The following DAPK1 variants were observed in gnomAD, a reference collection of about 807,000 sequenced individuals.
The protein encoded by DAPK1 is death associated protein kinase 1.
Under a neutral mutation model 144.9 loss-of-function variants are expected in DAPK1, and 56 were observed. The observed-to-expected ratio is 0.39, with a 90% confidence interval of 0.31 to 0.48. The LOEUF is 0.48. Among genes scored for constraint, DAPK1 ranks in the 20% least tolerant of loss-of-function variants. The probability of loss-of-function intolerance (pLI) is 0.95; values close to 1 mark genes in which losing one functional copy is unlikely to be tolerated. For missense variants in DAPK1, 1,454 were observed against 1,875.4 expected, an observed-to-expected ratio of 0.78 and a Z score of 4.15; for synonymous variants, 690 against 749.0, an observed-to-expected ratio of 0.92 and a Z score of 1.29.
rs1830254449 is a variant in DAPK1, at chr9:87,645,989, A to G, written c.1106A>G (p.Asn369Ser). The change falls in exon 12 of 26, where the codon AAC becomes AGC. Residue 369 changes from asparagine to serine, a missense_variant. Asn to Ser is a conservative substitution (Grantham distance 46). This residue lies in a region of DAPK1 where 429 missense variants were observed against 637.5 expected (regional missense o/e 0.67). Coordinates refer to ENST00000408954, the MANE Select transcript of DAPK1 (RefSeq NM_004938.4). ...CAGCACCTTCTGGGCTCATTATCCA[A>G]CTATGATGTTAACCAACCCAACAAG... ...GLQHLLGSLS[N>S]YDVNQPNKHG... The G allele has an allele frequency of 6.2e-7, 1 of 1,614,078 alleles. No individual in the cohort carries two copies. The highest frequency in any genetic ancestry group is 8.5e-7 in the Non-Finnish European group (1 of 1,179,986).
chr9:87,653,948 C>T (rs1830545118), intron 17 of DAPK1, among the ~76,000 whole-genome samples: 1 of 152,122 alleles, frequency 6.6e-6, no homozygotes, highest in African/African-American at 2.4e-5. Flanking sequence ...CCCGCTTCAG[C>T]CCCCCAATGT....
intron 2 of DAPK1, among the ~76,000 whole-genome samples, chr9:87,569,750 C>A (rs760155468): frequency 1.1e-4 from 16 of 152,146 alleles, no homozygotes; most frequent in Non-Finnish European, 1.8e-4. Context: ...GTCCATTAAT[C>A]TTGTGTTAAG....
chr9:87,566,912 C>A (rs36232910), intron 2 of DAPK1, among the ~76,000 whole-genome samples: 1,760 of 152,266 alleles, frequency 0.012, 33 homozygotes, highest in African/African-American at 0.04. Context: ...TCCCTCCTTG[C>A]AATCACTATG....
In DAPK1 at chr9:87,647,406, A is replaced by G. The variant is rs761015372; in HGVS notation, c.1329+3A>G. ...GCCCTTTGGATGTGAAAGACAAGGTAAGGCCACTTCTCTTAGGAGGAACAT... is the reference window on the plus strand; with the variant it reads ...GCCCTTTGGATGTGAAAGACAAGGTGAGGCCACTTCTCTTAGGAGGAACAT... On this transcript the variant is annotated splice_donor_region_variant and intron_variant, in intron 14 of 25. Coordinates refer to ENST00000408954, the MANE Select transcript of DAPK1 (RefSeq NM_004938.4). 9 of 1,612,958 alleles carry G rather than the reference A, an allele frequency of 5.6e-6. No individual in the cohort carries two copies. Among genetic ancestry groups the G allele is most frequent in the South Asian group, 1.1e-5 (1 of 91,074 alleles).
intron 2 of DAPK1, among the ~76,000 whole-genome samples, chr9:87,520,213 A>G (rs992105186): frequency 4.6e-5 from 7 of 152,178 alleles, no homozygotes; most frequent in Non-Finnish European, 2.9e-5. Context: ...CCTAGGGAGA[A>G]GAAGCAGAGG....
At chr9:87,520,895 C>T (rs1382213118) in intron 2 of DAPK1, among the ~76,000 whole-genome samples, 4 of 152,174 alleles carry the variant, frequency 2.6e-5, no homozygotes, top group South Asian at 4.1e-4. Context: ...AAACTATGTG[C>T]ACTCTTTATT....
chr9:87,697,424 C>T (rs565387574), intron 22 of DAPK1, among the ~76,000 whole-genome samples: 26 of 152,180 alleles, frequency 1.7e-4, no homozygotes, highest in Non-Finnish European at 3.2e-4. Context: ...CTCAAGTGTT[C>T]GTGGTATTCT....
Position 87,569,022 on chromosome 9 carries a change from T to C in DAPK1, c.63-35932T>C, listed in dbSNP as rs79908049. 2.3e-3 allele frequency among the ~76,000 whole-genome samples: 351 copies of C among 151,616 alleles called. 1 individual carries two copies. The highest frequency in any genetic ancestry group is 8.2e-3 in the African/African-American group (339 of 41,388). ...TGTGGGGCGAGGCAGATTCTCTTGA[T>C]AGAGGAAATTCTCCAGGTCACGTGT... On this transcript the variant is annotated intron_variant, in intron 2 of 25. Transcript: ENST00000408954.
At chr9:87,517,486 C>T (rs1054093891) in intron 2 of DAPK1, among the ~76,000 whole-genome samples, 3 of 152,052 alleles carry the variant, frequency 2.0e-5, no homozygotes, top group African/African-American at 4.8e-5. Context: ...ATTGTGAGCC[C>T]GTAAAGTGTA....
At chr9:87,549,437 T>G (rs976536711) in intron 2 of DAPK1, among the ~76,000 whole-genome samples, 1 of 152,134 alleles carries the variant, frequency 6.6e-6, no homozygotes, top group African/African-American at 2.4e-5. Context: ...ACAATTTGTA[T>G]GGGGGGGTTA....
At chr9:87,565,831 A>C (rs539647998) in intron 2 of DAPK1, among the ~76,000 whole-genome samples, 37 of 152,224 alleles carry the variant, frequency 2.4e-4, no homozygotes, top group Non-Finnish European at 2.8e-4. Context: ...TATGGCAGGC[A>C]CTGTGCTAAG....
At chr9:87,698,453 AGGCTTATCCTGTCGTT>A (rs958841242) in intron 22 of DAPK1, 187 bp from the exon 23 acceptor site, 198 of 508,420 alleles carry the variant, frequency 3.9e-4, no homozygotes, top group African/African-American at 2.9e-3. Context: ...CCTAGGAGAT[AGGCTTATCCTGTCGTT>A]GGCCATGCTG....
rs566951944 is a variant in DAPK1, at chr9:87,624,755, C to T, written c.285-13188C>T. On this transcript the variant is annotated intron_variant, in intron 3 of 25. Coordinates refer to ENST00000408954, the MANE Select transcript of DAPK1 (RefSeq NM_004938.4). ...TTTTTGCCATCAACTGTACCTGTAA[C>T]ATCAATGCCCACCACAGCGCCAGAG... Among the ~76,000 whole-genome samples the T allele has an allele frequency of 9.8e-5, 15 of 152,346 alleles. No homozygotes were observed. The East Asian group carries it at 2.5e-3, about 25-fold the overall frequency.
At chr9:87,589,605 C>CTT (rs1408981412) in intron 2 of DAPK1, among the ~76,000 whole-genome samples, 2 of 151,980 alleles carry the variant, frequency 1.3e-5, no homozygotes, top group Non-Finnish European at 2.9e-5. Context: ...CAATCCTGTA[C>CTT]TTGTGAGGTT....
intron 19 of DAPK1, among the ~76,000 whole-genome samples, chr9:87,672,552 G>T (rs935217202): frequency 2.0e-5 from 3 of 152,182 alleles, no homozygotes; most frequent in African/African-American, 7.2e-5. Context: ...TTCCCATGGG[G>T]AGGCCCAGGG....
intron 2 of DAPK1, among the ~76,000 whole-genome samples, chr9:87,600,204 A>G (rs1433180900): frequency 2.0e-5 from 3 of 152,180 alleles, no homozygotes; most frequent in African/African-American, 7.2e-5. Flanking sequence ...AGCCTCTCCA[A>G]TTTTCCACGA....
intron 18 of DAPK1, among the ~76,000 whole-genome samples, chr9:87,666,655 G>A (rs949273401): frequency 2.0e-5 from 3 of 151,842 alleles, no homozygotes; most frequent in African/African-American, 4.8e-5. Context: ...TGTATTTTTA[G>A]TAAAGACGGG....
At position 87,653,661 on chromosome 9, in the gene DAPK1, TTTTATTTTATTTA is replaced by T. The variant is rs1285926889; in HGVS notation, c.1824+1953_1824+1965del. Among the ~76,000 whole-genome samples the T allele has an allele frequency of 1.7e-4, 26 of 151,458 alleles. No individual in the cohort carries two copies. In the East Asian group the frequency reaches 4.5e-3, roughly 26 times the overall value. Reference sequence around the variant, plus strand: ...TTGATCCCAGGACTGTATTTCTCTTTTTTATTTTATTTATTTATTTTATTTATTATCATTATTA... The same window carrying T: ...TTGATCCCAGGACTGTATTTCTCTTTTTTATTTTATTTATTATCATTATTA... On this transcript the variant is annotated intron_variant, in intron 17 of 25. Coordinates refer to ENST00000408954, the MANE Select transcript of DAPK1 (RefSeq NM_004938.4).
chr9:87,690,154 T>C (rs973216474), intron 21 of DAPK1, among the ~76,000 whole-genome samples: 20 of 152,148 alleles, frequency 1.3e-4, no homozygotes, highest in African/African-American at 4.6e-4. Flanking sequence ...TGTATTTGCA[T>C]TTGTTTGTGT....
Sources: gnomAD v4.1 joint callset for allele counts (sites outside exome capture counted in the v4.1 genomes callset) on GRCh38, gnomAD v4.1.1 for gene constraint, gnomAD v4.1.1 regional missense constraint, MANE v1.5 for transcripts, NCBI Gene and HGNC (gene_info 2026-07-23, HGNC 2026-07-21) for gene names.